Variants in ARAP2 observed in about 807,000 individuals in gnomAD.
ARAP2 encodes the protein ArfGAP with RhoGAP domain, ankyrin repeat and PH domain 2, also known as arf-GAP with Rho-GAP domain, ANK repeat and PH domain-containing protein 2.
Under a neutral mutation model 194.5 loss-of-function variants are expected in ARAP2, and 148 were observed. That is an observed-to-expected ratio of 0.76 (90% CI 0.67 to 0.87). The LOEUF is 0.87. Among genes scored for constraint, ARAP2 ranks in the 40% least tolerant of loss-of-function variants. The pLI, the probability that ARAP2 is intolerant of heterozygous loss-of-function variation, is 0.00. For synonymous variants in ARAP2, 695 were observed against 683.5 expected (o/e 1.02, Z -0.26); for missense variants, 2,128 against 1,989.7 (o/e 1.07, Z -1.32).
intron 32 of ARAP2, among the ~76,000 whole-genome samples, chr4:36,072,244 G>T (rs1391040220): frequency 6.6e-6 from 1 of 151,836 alleles, no homozygotes. Flanking sequence ...CAAAGAGCTT[G>T]GTTTATTTTA....
chr4:36,033,571 C>A (rs1341456642), intron 5 of ARAP2, among the ~76,000 whole-genome samples: 2 of 147,806 alleles, frequency 1.4e-5, no homozygotes, highest in South Asian at 4.7e-4. Context: ...GCACAGCTTG[C>A]AAATATTTTC....
At position 36,167,016 on chromosome 4, in the gene ARAP2, A is replaced by G; in HGVS notation, c.1889T>C (p.Ile630Thr). 6.2e-7 allele frequency: 1 copy of G among 1,601,394 alleles called. No individual in the cohort carries two copies. Reference sequence around the variant, plus strand: ...CTTTACATTTGCTACATTCATAGGAATTATGGTAATACCAAGTCCACTCTT... The same window carrying G: ...CTTTACATTTGCTACATTCATAGGAGTTATGGTAATACCAAGTCCACTCTT... Reference protein sequence around the residue: ...DFKSGLGITIIPMNVANVKQV... With the variant: ...DFKSGLGITITPMNVANVKQV... Residue 630 changes from isoleucine to threonine, a missense_variant, in exon 10 of 33, where the codon ATT (isoleucine) becomes ACT (threonine). By Grantham distance (89) the Ile-to-Thr change is moderately conservative (BLOSUM62 -1). Transcript: ENST00000303965.
intron 6 of ARAP2, among the ~76,000 whole-genome samples, chr4:36,205,604 A>C (rs80230155): frequency 3.2e-4 from 1 of 3,092 alleles, no homozygotes; most frequent in African/African-American, 6.9e-4. Context: ...GTGTCCTGAA[A>C]AAAAAAAAAA....
chr4:36,187,810 A>G (rs1331015886), intron 7 of ARAP2, among the ~76,000 whole-genome samples: 1 of 152,244 alleles, frequency 6.6e-6, no homozygotes, highest in African/African-American at 2.4e-5. Flanking sequence ...TGGAATTAAA[A>G]GGGAAAGAAT....
intron 1 of ARAP2, among the ~76,000 whole-genome samples, chr4:36,232,254 C>T (rs115511514): frequency 6.6e-6 from 1 of 152,224 alleles, no homozygotes; most frequent in Non-Finnish European, 1.5e-5. Context: ...AAACTCATGA[C>T]ATCTTTTGCA....
chr4:36,008,331 T>C (rs1400876911), intron 9 of ARAP2, among the ~76,000 whole-genome samples: 2 of 152,006 alleles, frequency 1.3e-5, no homozygotes, highest in African/African-American at 2.4e-5. Context: ...ATGGTACTAG[T>C]ACAAAAACAC....
intron 6 of ARAP2, among the ~76,000 whole-genome samples, chr4:36,194,734 A>G (rs1458488013): frequency 6.6e-6 from 1 of 152,238 alleles, no homozygotes; most frequent in Admixed American, 6.5e-5. Flanking sequence ...CTGATCAAAT[A>G]TAAAAAATTT....
intron 1 of ARAP2, among the ~76,000 whole-genome samples, chr4:36,242,012 A>T (rs553578650): frequency 6.6e-6 from 1 of 152,358 alleles, no homozygotes; most frequent in African/African-American, 2.4e-5. Flanking sequence ...TGAGGAGAAT[A>T]CCATTAAGTA....
Position 36,210,617 on chromosome 4 carries a change from T to C in ARAP2, c.1260A>G (p.Glu420=), listed in dbSNP as rs1008159891. ...TTTTTCTTCTTAAACTCTGAAAGCA[T>C]TCTTCTACTGTTGAGTATTCTGATT... The part of the protein sequence containing the change: ...ASESEYSTVE[E]CFQSLRRKNS... The change falls in exon 6 of 33, where the codon GAA becomes GAG. Residue 420 remains glutamate (E), a synonymous_variant. Coordinates refer to ENST00000303965, the MANE Select transcript of ARAP2 (RefSeq NM_015230.4). 9.3e-6 allele frequency: 15 copies of C among 1,613,844 alleles called. No homozygotes were observed. The highest frequency in any genetic ancestry group is 2.7e-5 in the African/African-American group (2 of 74,928).
At chr4:36,029,104 A>G (rs937506984) in intron 5 of ARAP2, among the ~76,000 whole-genome samples, 15 of 152,024 alleles carry the variant, frequency 9.9e-5, no homozygotes, top group Non-Finnish European at 8.8e-5. Flanking sequence ...CACCAACACA[A>G]ACATCACAAT....
chr4:36,133,204 A>G, intron 20 of ARAP2, 22 bp downstream of exon 20: 2 of 1,608,446 alleles, frequency 1.2e-6, no homozygotes, highest in Non-Finnish European at 1.7e-6. Context: ...TAAGGGTTGA[A>G]TAAAAACTCA....
chr4:36,197,223 T>C (rs914061450), intron 6 of ARAP2, among the ~76,000 whole-genome samples: 2 of 152,176 alleles, frequency 1.3e-5, no homozygotes, highest in Admixed American at 1.3e-4. Flanking sequence ...AATATATCCA[T>C]CACATCAAAC....
chr4:36,204,117 A>G (rs776506590), intron 6 of ARAP2, among the ~76,000 whole-genome samples: 4 of 152,208 alleles, frequency 2.6e-5, no homozygotes, highest in Non-Finnish European at 4.4e-5. Flanking sequence ...CTGGATTTTT[A>G]TCAGTGTTTC....
chr4:36,229,318 G>C lies in ARAP2; in HGVS notation c.169C>G (p.Arg57Gly). ...TGTAACTGTTTAAGTATCCTCCTAC[G>C]GTGACCTGTAGGTGATATTCCAATT... ...QKIGISPTGH[R>G]RRILKQLQII... is the part of the protein sequence containing the mutation. The change falls in exon 2 of 33, where the codon CGT (arginine) becomes GGT (glycine). Residue 57 changes from arginine to glycine, a missense_variant. Arg to Gly is a moderately radical substitution (Grantham distance 125, BLOSUM62 -2). Transcript: ENST00000303965. 6.2e-7 allele frequency: 1 copy of C among 1,613,908 alleles called. No homozygotes were observed. Among genetic ancestry groups the C allele is most frequent in the East Asian group, 2.2e-5 (1 of 44,872 alleles).
At chr4:36,241,133 G>A (rs1753424929) in intron 1 of ARAP2, among the ~76,000 whole-genome samples, 1 of 152,120 alleles carries the variant, frequency 6.6e-6, no homozygotes, top group Admixed American at 6.5e-5. Context: ...TTCTTCTAGA[G>A]TTTCTACAAA....
chr4:36,033,379 T>A (rs1719327885), intron 5 of ARAP2, among the ~76,000 whole-genome samples: 1 of 152,188 alleles, frequency 6.6e-6, no homozygotes, highest in Non-Finnish European at 1.5e-5. Context: ...GTGGTTTTGA[T>A]TTGCATTTCT....
intron 19 of ARAP2, among the ~76,000 whole-genome samples, chr4:36,144,027 T>C (rs2109681825): frequency 6.6e-6 from 1 of 151,950 alleles, no homozygotes; most frequent in East Asian, 1.9e-4. Flanking sequence ...CTGGCTTCCA[T>C]ATCTTCCATA....
chr4:36,156,490 A>AAAGG (rs1560550443), intron 15 of ARAP2, among the ~76,000 whole-genome samples: 3 of 116,598 alleles, frequency 2.6e-5, no homozygotes, highest in African/African-American at 1.1e-4. Context: ...AAAGAAAGAA[A>AAAGG]AAGGAAGGAA....
At chr4:36,062,450 G>C (rs890194236), downstream of ARAP2, among the ~76,000 whole-genome samples, 1 of 152,134 alleles carries the variant, frequency 6.6e-6, no homozygotes, top group African/African-American at 2.4e-5. Flanking sequence ...AGGACAGTTG[G>C]AAGAGCCTTC....
Sources: allele counts gnomAD v4.1 joint callset (sites outside exome capture counted in the v4.1 genomes callset), GRCh38; gene constraint gnomAD v4.1.1; transcripts MANE v1.5; gene names NCBI Gene and HGNC (gene_info 2026-07-23, HGNC 2026-07-21).